The following FAM107B variants were observed in gnomAD, a reference collection of about 807,000 sequenced individuals.
FAM107B encodes the protein protein FAM107B.
A neutral mutation model predicts 31.5 loss-of-function variants in FAM107B; 21 were observed. The ratio of observed to expected loss-of-function variants is 0.67; its 90% CI spans 0.47 to 0.96. The LOEUF (loss-of-function observed/expected upper bound fraction) is 0.96. Among genes scored for constraint, FAM107B ranks in the 40% least tolerant of loss-of-function variants. FAM107B has a pLI of 0.00. For missense variants in FAM107B, 452 were observed against 377.1 expected, an observed-to-expected ratio of 1.20 and a Z score of -1.64; for synonymous variants, 157 against 141.5, an observed-to-expected ratio of 1.11 and a Z score of -0.78.
chr10:14,723,486 G>C (rs765575395), intron 1 of FAM107B: 24 of 580,870 alleles, frequency 4.1e-5, no homozygotes, highest in Non-Finnish European at 6.9e-5. Flanking sequence ...GGTGTTTACA[G>C]GAAATGGTAC....
intron 2 of FAM107B, among the ~76,000 whole-genome samples, chr10:14,588,743 T>C (rs17155529): frequency 0.14 from 20,893 of 152,074 alleles, 1,665 homozygotes; most frequent in South Asian, 0.22. Flanking sequence ...CAAAAACACA[T>C]CTGATCTTTA....
At position 14,751,508 on chromosome 10, in the gene FAM107B, C is replaced by CT. The variant is rs141765644; in HGVS notation, c.411+22744dup. On this transcript the variant is annotated intron_variant, in intron 1 of 4. Coordinates refer to ENST00000181796, the MANE Select transcript of FAM107B (RefSeq NM_031453.4). ...GAGTGAACTTATATGGGATTTTTTT[C>CT]TTTTTTTTCTTAGAGACAGGGTCCA... Among the ~76,000 whole-genome samples, 6 of 150,850 alleles carry CT rather than the reference C, an allele frequency of 4.0e-5. No homozygotes were observed. In the South Asian group the frequency reaches 6.3e-4, roughly 16 times the overall value.
intron 2 of FAM107B, among the ~76,000 whole-genome samples, chr10:14,554,805 G>A (rs968989858): frequency 6.6e-6 from 1 of 152,210 alleles, no homozygotes; most frequent in Non-Finnish European, 1.5e-5. Flanking sequence ...AAAAAAGTGG[G>A]TGAGCAGAAG....
intron 1 of FAM107B, among the ~76,000 whole-genome samples, chr10:14,760,884 T>G (rs1833028823): frequency 6.6e-6 from 1 of 151,862 alleles, no homozygotes; most frequent in African/African-American, 2.4e-5. Flanking sequence ...TGGTGGCACA[T>G]GCTTGTAATT....
chr10:14,658,272 A>G (rs1418338954), intron 2 of FAM107B, among the ~76,000 whole-genome samples: 1 of 152,224 alleles, frequency 6.6e-6, no homozygotes, highest in African/African-American at 2.4e-5. Flanking sequence ...GTCATCATCT[A>G]CAACCCCCAG....
rs1449460965 is a variant in FAM107B, at chr10:14,771,632, T to TA, written c.411+2620dup. 2.7e-5 allele frequency among the ~76,000 whole-genome samples: 4 copies of TA among 150,500 alleles called. No individual in the cohort carries two copies. The East Asian group carries it at 7.7e-4, about 29-fold the overall frequency. On this transcript the variant is annotated intron_variant, in intron 1 of 4. Coordinates refer to ENST00000181796, the MANE Select transcript of FAM107B (RefSeq NM_031453.4). ...AAAATAACAACAAATAAAAATAAAT[T>TA]AAAAAACAAATAATAATTATATCGA...
rs1849273532 is a variant in FAM107B, at chr10:14,551,615, T to C, written c.470-21100A>G. The stretch of plus-strand genomic sequence containing the variant: ...TTTTTTTTTTTTTAAGGACACTATT[T>C]TCCTAATTTCATCTATGAATCTTTA... On this transcript the variant is annotated intron_variant, in intron 2 of 4. Coordinates refer to ENST00000181796, the MANE Select transcript of FAM107B (RefSeq NM_031453.4). Among the ~76,000 whole-genome samples the C allele has an allele frequency of 2.0e-5, 3 of 152,082 alleles. No homozygotes were observed. In the South Asian group the frequency reaches 6.2e-4, roughly 32 times the overall value.
intron 2 of FAM107B, among the ~76,000 whole-genome samples, chr10:14,546,924 T>C (rs1055697088): frequency 6.6e-6 from 1 of 152,166 alleles, no homozygotes; most frequent in African/African-American, 2.4e-5. Context: ...CACCAACATG[T>C]ATGATTGCAA....
chr10:14,577,739 A>G (rs1851509581), intron 2 of FAM107B, among the ~76,000 whole-genome samples: 1 of 152,228 alleles, frequency 6.6e-6, no homozygotes, highest in African/African-American at 2.4e-5. Context: ...ACAGGTCCAC[A>G]TTAATAACCA....
At chr10:14,709,689 G>A (rs1378370027) in intron 1 of FAM107B, among the ~76,000 whole-genome samples, 2 of 152,174 alleles carry the variant, frequency 1.3e-5, no homozygotes, top group African/African-American at 4.8e-5. Context: ...TTCAATAGGT[G>A]AATGGCAAAA....
chr10:14,611,621 C>T (rs1025964708), intron 2 of FAM107B, among the ~76,000 whole-genome samples: 1 of 151,000 alleles, frequency 6.6e-6, no homozygotes, highest in African/African-American at 2.4e-5. Flanking sequence ...CTGGTGACCT[C>T]GGATAAGAAA....
intron 2 of FAM107B, among the ~76,000 whole-genome samples, chr10:14,625,868 T>TAAAAAAAAAAAAAAAAA (rs58736805): frequency 2.8e-5 from 3 of 108,908 alleles, no homozygotes; most frequent in South Asian, 3.9e-4. Context: ...GCTCATGGAT[T>TAAAAAAAAAAAAAAAAA]AAAAAAAAAA....
intron 2 of FAM107B, among the ~76,000 whole-genome samples, chr10:14,555,310 T>G (rs1564561058): frequency 6.6e-6 from 1 of 152,192 alleles, no homozygotes; most frequent in Non-Finnish European, 1.5e-5. Context: ...TTTTTTTACC[T>G]CAAGGAAAAA....
chr10:14,608,544 T>C (rs1588656133), intron 2 of FAM107B, among the ~76,000 whole-genome samples: 1 of 152,150 alleles, frequency 6.6e-6, no homozygotes, highest in Admixed American at 6.5e-5. Flanking sequence ...TTGCCCTGGG[T>C]GGTCTCAAAG....
In FAM107B at chr10:14,714,653, T is replaced by C. The variant is rs78544750; in HGVS notation, c.412-46962A>G. On this transcript the variant is annotated intron_variant, in intron 1 of 4. Coordinates refer to ENST00000181796, the MANE Select transcript of FAM107B (RefSeq NM_031453.4). ...CGCTCCCTTATACATCCAGACTCAA[T>C]CTTAGGGAGGAGCTGAGGGAGGGAG... Among the ~76,000 whole-genome samples the C allele has an allele frequency of 7.9e-3, 1,202 of 152,136 alleles. 12 individuals are homozygous for C. The highest frequency in any genetic ancestry group is 0.027 in the African/African-American group (1,135 of 41,502).
chr10:14,638,043 G>T (rs558278036), intron 2 of FAM107B, among the ~76,000 whole-genome samples: 2 of 152,120 alleles, frequency 1.3e-5, no homozygotes, highest in African/African-American at 4.8e-5. Context: ...CTAAGTTTGT[G>T]GTAATATGTG....
At chr10:14,604,375 A>C (rs1473846782) in intron 2 of FAM107B, 1 of 406,384 alleles carries the variant, frequency 2.5e-6, no homozygotes, top group Non-Finnish European at 3.3e-6. Context: ...CCCGGCCCGC[A>C]AGCCAGTCCG....
chr10:14,694,643 C>T (rs1855223747), intron 1 of FAM107B, among the ~76,000 whole-genome samples: 1 of 152,210 alleles, frequency 6.6e-6, no homozygotes, highest in African/African-American at 2.4e-5. Flanking sequence ...CTCAGCCTCC[C>T]AAAGTGCTGG....
At chr10:14,729,001 TG>T (rs1428242664) in intron 1 of FAM107B, among the ~76,000 whole-genome samples, 1 of 151,914 alleles carries the variant, frequency 6.6e-6, no homozygotes, top group Non-Finnish European at 1.5e-5. Flanking sequence ...ATATGTGTTT[TG>T]TTTTTTTTTA....
Sources: gnomAD v4.1 joint callset for allele counts (sites outside exome capture counted in the v4.1 genomes callset) on GRCh38, gnomAD v4.1.1 for gene constraint, MANE v1.5 for transcripts, NCBI Gene and HGNC (gene_info 2026-07-23, HGNC 2026-07-21) for gene names.